Variants in MCTP2 observed in about 807,000 individuals in gnomAD.
The protein encoded by MCTP2 is multiple C2 and transmembrane domain containing 2, also known as multiple C2 and transmembrane domain-containing protein 2.
A neutral mutation model predicts 111.6 loss-of-function variants in MCTP2; 132 were observed. The observed-to-expected ratio is 1.18, with a 90% CI of 1.03 to 1.37. MCTP2 has a LOEUF of 1.37. MCTP2 is among the 40% of genes most tolerant of loss of function. The probability of loss-of-function intolerance (pLI) is 0.00; values close to 1 mark genes in which losing one functional copy is unlikely to be tolerated. For missense variants in MCTP2, 1,183 were observed against 1,067.9 expected (o/e 1.11, Z -1.50); for synonymous variants, 395 against 387.7 (o/e 1.02, Z -0.22).
chr15:94,333,965 A>G (rs1234018296), intron 4 of MCTP2, among the ~76,000 whole-genome samples: 1 of 152,238 alleles, frequency 6.6e-6, no homozygotes, highest in African/African-American at 2.4e-5. Flanking sequence ...GATGATATAA[A>G]TTTCACACCT....
intron 12 of MCTP2, among the ~76,000 whole-genome samples, chr15:94,382,607 C>T (rs1044598243): frequency 3.9e-5 from 6 of 152,366 alleles, no homozygotes; most frequent in African/African-American, 1.2e-4. Context: ...GTATCAGTAT[C>T]TCTATTGATG....
At chr15:94,237,053 T>C (rs529758294) in intron 1 of MCTP2, among the ~76,000 whole-genome samples, 3 of 152,116 alleles carry the variant, frequency 2.0e-5, no homozygotes, top group Non-Finnish European at 4.4e-5. Context: ...GAGAAGCCTC[T>C]TTTCAGAGAA....
rs982534117 is a variant in MCTP2, at chr15:94,274,997, G to A, written c.-65-23204G>A. Among the ~76,000 whole-genome samples, 3 of 152,142 alleles carry A rather than the reference G, an allele frequency of 2.0e-5. No individual in the cohort carries two copies. In the South Asian group the frequency reaches 6.2e-4, roughly 31 times the overall value. On this transcript the variant is annotated intron_variant, in intron 1 of 22. Coordinates refer to ENST00000357742, the MANE Select transcript of MCTP2 (RefSeq NM_001385001.1). ...TCCCAGTGGAATTTATTTCAGCAGT[G>A]AAAGGATGAGTAAATACTTGCAGAT...
intron 10 of MCTP2, among the ~76,000 whole-genome samples, chr15:94,365,271 T>C (rs2079125572): frequency 6.6e-6 from 1 of 152,226 alleles, no homozygotes; most frequent in Non-Finnish European, 1.5e-5. Flanking sequence ...GTAAAATCCA[T>C]TAAGCTGCTG....
chr15:94,234,332 A>G (rs1247959993), intron 1 of MCTP2, among the ~76,000 whole-genome samples: 1 of 152,238 alleles, frequency 6.6e-6, no homozygotes, highest in African/African-American at 2.4e-5. Flanking sequence ...AGAAAAAGAG[A>G]TGATAATTTA....
chr15:94,253,826 C>T (rs1255038439), intron 1 of MCTP2, among the ~76,000 whole-genome samples: 1 of 151,704 alleles, frequency 6.6e-6, no homozygotes, highest in African/African-American at 2.4e-5. Flanking sequence ...AACCATTAAA[C>T]TCCAGAGACT....
chr15:94,440,948 A>G (rs2083748075), intron 18 of MCTP2, among the ~76,000 whole-genome samples: 2 of 151,962 alleles, frequency 1.3e-5, no homozygotes, highest in South Asian at 4.2e-4. Context: ...ATTGCACCCC[A>G]TAAGATCTTT....
At chr15:94,322,161 A>G (rs2076659066) in intron 4 of MCTP2, among the ~76,000 whole-genome samples, 1 of 152,208 alleles carries the variant, frequency 6.6e-6, no homozygotes, top group Admixed American at 6.5e-5. Flanking sequence ...TTTTAAGTAA[A>G]AAACACGGAT....
chr15:94,264,617 G>GAA (rs146502224), intron 1 of MCTP2, among the ~76,000 whole-genome samples: 6 of 150,834 alleles, frequency 4.0e-5, no homozygotes, highest in East Asian at 3.9e-4. Flanking sequence ...TCTCAAAAAA[G>GAA]AAAAAAAAAT....
intron 10 of MCTP2, among the ~76,000 whole-genome samples, chr15:94,364,343 C>T (rs1428507519): frequency 1.3e-5 from 2 of 152,098 alleles, no homozygotes; most frequent in African/African-American, 2.4e-5. Flanking sequence ...CAGGGAAAGG[C>T]TAATCCTGTA....
chr15:94,461,235 G>A lies in MCTP2; in HGVS notation c.2360+2989G>A, dbSNP rs189606673. 1.9e-3 allele frequency among the ~76,000 whole-genome samples: 282 copies of A among 152,194 alleles called. 2 individuals are homozygous for A. The highest frequency in any genetic ancestry group is 6.3e-3 in the African/African-American group (263 of 41,526). On this transcript the variant is annotated intron_variant, in intron 20 of 22. Coordinates refer to ENST00000357742, the MANE Select transcript of MCTP2 (RefSeq NM_001385001.1). ...AGCACTTTGGGAGGCTGAGGTGGGC[G>A]GATCACCTGAGGTCAGGAGTTCGAG... is the stretch of plus-strand genomic sequence containing the variant.
At chr15:94,476,230 C>CAA (rs1217492768) in intron 21 of MCTP2, 1 of 153,304 alleles carries the variant, frequency 6.5e-6, no homozygotes, top group Non-Finnish European at 1.5e-5. Context: ...CCAGAGCCTC[C>CAA]AAGCAGGGAC....
intron 17 of MCTP2, among the ~76,000 whole-genome samples, chr15:94,413,350 C>A (rs2082237657): frequency 6.6e-6 from 1 of 152,112 alleles, no homozygotes; most frequent in South Asian, 2.1e-4. Flanking sequence ...TTCTGTAGCA[C>A]ATTCTTCCTT....
intron 12 of MCTP2, among the ~76,000 whole-genome samples, chr15:94,371,403 G>A (rs1478737096): frequency 2.0e-5 from 3 of 152,110 alleles, no homozygotes; most frequent in South Asian, 2.1e-4. Flanking sequence ...TTTGACATTA[G>A]TGGTTCTGTC....
intron 20 of MCTP2, among the ~76,000 whole-genome samples, chr15:94,465,298 A>C (rs913835987): frequency 6.6e-6 from 1 of 152,226 alleles, no homozygotes; most frequent in South Asian, 2.1e-4. Context: ...TCAGATCCCC[A>C]GTGGATGTCT....
chr15:94,460,303 G>A (rs918123487), intron 20 of MCTP2, among the ~76,000 whole-genome samples: 2 of 152,162 alleles, frequency 1.3e-5, no homozygotes, highest in African/African-American at 4.8e-5. Context: ...TGATGAATGA[G>A]GGCTTCAGTA....
At chr15:94,234,033 T>A (rs954043742) in intron 1 of MCTP2, among the ~76,000 whole-genome samples, 1 of 152,206 alleles carries the variant, frequency 6.6e-6, no homozygotes, top group South Asian at 2.1e-4. Context: ...GCACAGATTT[T>A]TTTTTTCCCT....
intron 17 of MCTP2, among the ~76,000 whole-genome samples, chr15:94,431,479 A>G (rs2083181368): frequency 6.6e-6 from 1 of 152,200 alleles, no homozygotes; most frequent in East Asian, 1.9e-4. Flanking sequence ...TGGCCAGGGA[A>G]AAATGGAATA....
intron 1 of MCTP2, among the ~76,000 whole-genome samples, chr15:94,272,946 C>T (rs1033980404): frequency 6.6e-6 from 1 of 152,210 alleles, no homozygotes; most frequent in Non-Finnish European, 1.5e-5. Flanking sequence ...TCTCTCTTTG[C>T]TTCACAATCA....
Sources: gnomAD v4.1 joint callset for allele counts (sites outside exome capture counted in the v4.1 genomes callset) on GRCh38, gnomAD v4.1.1 for gene constraint, MANE v1.5 for transcripts, NCBI Gene and HGNC (gene_info 2026-07-23, HGNC 2026-07-21) for gene names.